Variants in MEIS2 observed in about 807,000 individuals in gnomAD.
MEIS2 encodes Meis homeobox 2, also known as homeobox protein Meis2.
In MEIS2, 9 loss-of-function variants were observed where a neutral mutation model predicts 58.6. The observed-to-expected ratio is 0.15, with a 90% CI of 0.09 to 0.27. The LOEUF is 0.27. Among genes scored for constraint, MEIS2 ranks in the 10% least tolerant of loss-of-function variants. The pLI is 1.00. For synonymous variants in MEIS2, 221 were observed against 228.4 expected, an observed-to-expected ratio of 0.97 and a Z score of 0.29; for missense variants, 427 against 635.0, an observed-to-expected ratio of 0.67 and a Z score of 3.52.
intron 8 of MEIS2, 47 bp from the exon 9 acceptor site, chr15:36,950,447 A>C: frequency 6.4e-7 from 1 of 1,551,214 alleles, no homozygotes; most frequent in Non-Finnish European, 8.9e-7. Flanking sequence ...AAGTTAAGAA[A>C]GAGTCACTTA....
chr15:37,093,757 T>A (rs1893843645), intron 5 of MEIS2, 27 bp from the exon 6 acceptor site: 1 of 1,609,822 alleles, frequency 6.2e-7, no homozygotes, highest in Non-Finnish European at 8.5e-7. Context: ...GGTGGAGGGT[T>A]TAGCTCATGT....
intron 7 of MEIS2, among the ~76,000 whole-genome samples, chr15:37,078,441 GAAA>G (rs754900107): frequency 1.9e-5 from 2 of 107,562 alleles, no homozygotes; most frequent in Non-Finnish European, 2.0e-5. Context: ...AATTAATTTT[GAAA>G]AAAAAAAAAA....
At chr15:36,892,902 GA>G (rs1402249950) in intron 11 of MEIS2, among the ~76,000 whole-genome samples, 1 of 152,138 alleles carries the variant, frequency 6.6e-6, no homozygotes, top group Admixed American at 6.5e-5. Flanking sequence ...ATTTCCTCAT[GA>G]AAAATTTATT....
intron 8 of MEIS2, 77 bp from the exon 9 acceptor site, chr15:36,950,477 C>A: frequency 1.5e-6 from 2 of 1,368,958 alleles, no homozygotes; most frequent in South Asian, 2.4e-5. Context: ...ATAAAACCAC[C>A]GTTGGTGATT....
At chr15:37,072,130 T>C (rs1278274183) in intron 7 of MEIS2, among the ~76,000 whole-genome samples, 1 of 152,128 alleles carries the variant, frequency 6.6e-6, no homozygotes, top group Non-Finnish European at 1.5e-5. Context: ...TTAATCTATA[T>C]TCTATATGGA....
intron 7 of MEIS2, among the ~76,000 whole-genome samples, chr15:37,070,854 A>C (rs1336918251): frequency 6.6e-6 from 1 of 152,060 alleles, no homozygotes; most frequent in African/African-American, 2.4e-5. Context: ...TACTTTAGAG[A>C]GAATGTCAAA....
chr15:36,942,304 A>AT (rs1416111512), intron 9 of MEIS2, among the ~76,000 whole-genome samples: 1 of 152,140 alleles, frequency 6.6e-6, no homozygotes, highest in Non-Finnish European at 1.5e-5. Flanking sequence ...AGAAAGCAAT[A>AT]TTTTTTACAA....
intron 8 of MEIS2, among the ~76,000 whole-genome samples, chr15:37,011,293 G>A (rs75328552): frequency 0.034 from 5,189 of 152,264 alleles, 276 homozygotes; most frequent in African/African-American, 0.12. Context: ...CACCTTCAAT[G>A]ATGACCAATT....
chr15:37,026,248 C>A (rs990105615), intron 8 of MEIS2, among the ~76,000 whole-genome samples: 2 of 152,098 alleles, frequency 1.3e-5, no homozygotes, highest in Admixed American at 1.3e-4. Context: ...TTGATAAAAG[C>A]CTTTTTCTTT....
chr15:36,936,859 T>C (rs557483795), intron 9 of MEIS2, among the ~76,000 whole-genome samples: 4 of 152,330 alleles, frequency 2.6e-5, no homozygotes, highest in Non-Finnish European at 5.9e-5. Context: ...AAAAGATAAC[T>C]GTTTTCAGAA....
intron 9 of MEIS2, among the ~76,000 whole-genome samples, chr15:36,943,599 A>C (rs138170082): frequency 6.6e-6 from 1 of 152,048 alleles, no homozygotes; most frequent in Non-Finnish European, 1.5e-5. Context: ...AACTTGTTGC[A>C]TTCCTTTTTT....
chr15:36,909,984 C>T (rs1265621584), intron 9 of MEIS2, among the ~76,000 whole-genome samples: 3 of 152,104 alleles, frequency 2.0e-5, no homozygotes, highest in Non-Finnish European at 4.4e-5. Flanking sequence ...AGGAGGATTG[C>T]TTGAGCCGCG....
chr15:37,058,536 G>A (rs958098286), intron 7 of MEIS2, among the ~76,000 whole-genome samples: 6 of 152,262 alleles, frequency 3.9e-5, no homozygotes, highest in East Asian at 1.9e-4. Context: ...TCTCACAGAC[G>A]TCTCCGGCAG....
chr15:37,030,967 G>T (rs1447305172), intron 8 of MEIS2, among the ~76,000 whole-genome samples: 1 of 152,146 alleles, frequency 6.6e-6, no homozygotes, highest in East Asian at 1.9e-4. Flanking sequence ...GGCAAAACCT[G>T]GTCTCTACAT....
At chr15:37,041,312 C>T (rs1233847616) in intron 7 of MEIS2, among the ~76,000 whole-genome samples, 2 of 152,184 alleles carry the variant, frequency 1.3e-5, no homozygotes, top group Admixed American at 6.5e-5. Context: ...CACTCTAGCT[C>T]GAGAACCACT....
intron 9 of MEIS2, among the ~76,000 whole-genome samples, chr15:36,929,852 G>A (rs1208388625): frequency 1.3e-5 from 2 of 152,152 alleles, no homozygotes; most frequent in African/African-American, 4.8e-5. Flanking sequence ...TGATGACAGA[G>A]GTGACAACTC....
At chr15:36,982,078 T>C (rs1353536930) in intron 8 of MEIS2, among the ~76,000 whole-genome samples, 1 of 152,126 alleles carries the variant, frequency 6.6e-6, no homozygotes, top group East Asian at 1.9e-4. Flanking sequence ...TTGCAGATGG[T>C]ATATCATGGG....
intron 9 of MEIS2, among the ~76,000 whole-genome samples, chr15:36,909,224 T>A (rs1449914304): frequency 6.6e-6 from 1 of 152,004 alleles, no homozygotes; most frequent in Non-Finnish European, 1.5e-5. Context: ...AAGAAGCACT[T>A]CCTCAGTGGC....
At chr15:36,926,518 T>C (rs558150989) in intron 9 of MEIS2, among the ~76,000 whole-genome samples, 34 of 152,312 alleles carry the variant, frequency 2.2e-4, no homozygotes. Flanking sequence ...TTTTCCATAA[T>C]GAATTACATG....
Sources: allele counts gnomAD v4.1 joint callset (sites outside exome capture counted in the v4.1 genomes callset), GRCh38; gene constraint gnomAD v4.1.1; transcripts MANE v1.5; gene names NCBI Gene and HGNC (gene_info 2026-07-23, HGNC 2026-07-21).